CSMD1: variants seen among roughly 807,000 people sequenced by gnomAD.
The protein encoded by CSMD1 is CUB and Sushi multiple domains 1.
Under a neutral mutation model 417.5 loss-of-function variants are expected in CSMD1, and 213 were observed. That is an observed-to-expected ratio of 0.51 (90% CI 0.46 to 0.57). The LOEUF (loss-of-function observed/expected upper bound fraction) is 0.57, where lower values mean the gene tolerates loss of function less well. Ranked by LOEUF, CSMD1 falls within the 20% of genes least tolerant of loss-of-function variation. The pLI, the probability that CSMD1 is intolerant of heterozygous loss-of-function variation, is 0.00. For missense variants in CSMD1, 6,923 were observed against 4,529.7 expected (o/e 1.53, Z -15.17); for synonymous variants, 2,862 against 1,736.8 (o/e 1.65, Z -16.11).
At chr8:4,443,837 C>T (rs1040667340) in intron 2 of CSMD1, among the ~76,000 whole-genome samples, 13 of 152,104 alleles carry the variant, frequency 8.5e-5, no homozygotes, top group African/African-American at 1.9e-4. Flanking sequence ...GTGTTAGTAA[C>T]GAACTTCTGG....
chr8:3,930,073 T>G (rs1361215234), intron 5 of CSMD1, among the ~76,000 whole-genome samples: 4 of 150,462 alleles, frequency 2.7e-5, no homozygotes, highest in Non-Finnish European at 4.4e-5. Flanking sequence ...TACCTAGGCA[T>G]GTTTTTCTTC....
intron 1 of CSMD1, among the ~76,000 whole-genome samples, chr8:4,709,672 T>C (rs17071074): frequency 0.1 from 15,789 of 152,182 alleles, 1,424 homozygotes; most frequent in African/African-American, 0.25. Flanking sequence ...GATGAATGTT[T>C]AACCTACTCT....
chr8:4,003,590 A>T (rs1397652293), intron 4 of CSMD1, among the ~76,000 whole-genome samples: 1 of 152,192 alleles, frequency 6.6e-6, no homozygotes, highest in Non-Finnish European at 1.5e-5. Context: ...CATTCAAATT[A>T]AAACAACACT....
rs1431319886 is a variant in CSMD1, at chr8:3,396,191, C to A, written c.2593+3G>T. The stretch of plus-strand genomic sequence containing the variant: ...CGGGCTGTCAAGGGAAGGTGCAACT[C>A]ACTCTCATAGTGGATGAGGAAGCCG... On this transcript the variant is annotated splice_donor_region_variant and intron_variant, in intron 17 of 69. Transcript: ENST00000635120. 1 of 1,556,672 alleles carries A rather than the reference C, an allele frequency of 6.4e-7. No individual in the cohort carries two copies. Among genetic ancestry groups the A allele is most frequent in the Admixed American group, 1.9e-5 (1 of 51,478 alleles).
intron 11 of CSMD1, among the ~76,000 whole-genome samples, chr8:3,490,233 G>A (rs17322708): frequency 0.27 from 40,613 of 152,008 alleles, 5,478 homozygotes; most frequent in African/African-American, 0.3. Context: ...TTCCCAAAGG[G>A]CATCTCAGTT....
rs974608511 is a variant in CSMD1 at position 4,180,430 on chromosome 8, G to A, written c.416-148331C>T. Among the ~76,000 whole-genome samples, 4 of 127,018 alleles carry A rather than the reference G, an allele frequency of 3.1e-5. No homozygotes were observed. The Admixed American group carries it at 3.6e-4, about 11-fold the overall frequency. 83.3% of individuals were successfully genotyped at this position (127,018 alleles called of 152,430 possible). On this transcript the variant is annotated intron_variant, in intron 3 of 69. Coordinates refer to ENST00000635120, the MANE Select transcript of CSMD1 (RefSeq NM_033225.6). ...CATCACACTCTGGGGACTGCTGTGG[G>A]GTGGGGGGAGGGGGGAGGGATAGCA...
At chr8:3,197,688 T>C (rs1796779813) in intron 33 of CSMD1, among the ~76,000 whole-genome samples, 1 of 151,928 alleles carries the variant, frequency 6.6e-6, no homozygotes, top group Non-Finnish European at 1.5e-5. Flanking sequence ...ATGGTCTCGA[T>C]CTCCTGACCT....
At chr8:4,736,002 A>C (rs1810209017) in intron 1 of CSMD1, among the ~76,000 whole-genome samples, 1 of 152,092 alleles carries the variant, frequency 6.6e-6, no homozygotes, top group African/African-American at 2.4e-5. Context: ...ATTTTCTTAC[A>C]TTTTTATGGA....
chr8:3,453,492 A>T (rs1029778131), intron 12 of CSMD1, among the ~76,000 whole-genome samples: 1 of 152,160 alleles, frequency 6.6e-6, no homozygotes, highest in Admixed American at 6.5e-5. Context: ...AATGTGTCCC[A>T]GAGATTCTGG....
intron 5 of CSMD1, among the ~76,000 whole-genome samples, chr8:3,985,278 C>G (rs1413093671): frequency 1.3e-5 from 2 of 152,166 alleles, no homozygotes; most frequent in Non-Finnish European, 2.9e-5. Flanking sequence ...ACACCATGCA[C>G]AAAGCACATT....
chr8:3,799,311 T>C (rs968590345), intron 5 of CSMD1, among the ~76,000 whole-genome samples: 4 of 151,768 alleles, frequency 2.6e-5, no homozygotes, highest in Non-Finnish European at 5.9e-5. Context: ...GTTTGTTACA[T>C]ATGTACACAT....
intron 1 of CSMD1, among the ~76,000 whole-genome samples, chr8:4,963,222 A>G (rs1809630089): frequency 6.6e-6 from 1 of 152,078 alleles, no homozygotes; most frequent in South Asian, 2.1e-4. Context: ...TTTATTTGAG[A>G]TGGAGTCTTG....
intron 23 of CSMD1, among the ~76,000 whole-genome samples, chr8:3,327,042 A>G (rs1806578256): frequency 6.6e-6 from 1 of 152,164 alleles, no homozygotes; most frequent in Non-Finnish European, 1.5e-5. Context: ...GACAAAAAAT[A>G]AAAACAAGTG....
intron 7 of CSMD1, among the ~76,000 whole-genome samples, chr8:3,626,563 G>A (rs1020228132): frequency 2.0e-5 from 3 of 151,526 alleles, no homozygotes; most frequent in African/African-American, 7.3e-5. Context: ...AAATCTTCAA[G>A]TTTTATTTGT....
At chr8:3,224,393 G>A (rs1029979780) in intron 27 of CSMD1, among the ~76,000 whole-genome samples, 6 of 152,132 alleles carry the variant, frequency 3.9e-5, no homozygotes, top group Admixed American at 2.0e-4. Flanking sequence ...ACGTCTAGGC[G>A]GTTTCTGGAT....
In CSMD1 at chr8:4,834,763, T is replaced by C. The variant is rs372893572; in HGVS notation, c.85+159569A>G. On this transcript the variant is annotated intron_variant, in intron 1 of 69. Coordinates refer to ENST00000635120, the MANE Select transcript of CSMD1 (RefSeq NM_033225.6). Reference sequence around the variant, plus strand: ...CGACATCAGGAGATCGAGACCATCCTGGCTAACACGGTGAAACCCCGTCTC... The same window carrying C: ...CGACATCAGGAGATCGAGACCATCCCGGCTAACACGGTGAAACCCCGTCTC... Among the ~76,000 whole-genome samples the C allele has an allele frequency of 8.9e-3, 1,346 of 151,470 alleles. 22 individuals carry two copies. The highest frequency in any genetic ancestry group is 0.031 in the African/African-American group (1,289 of 41,306).
intron 7 of CSMD1, among the ~76,000 whole-genome samples, chr8:3,691,251 C>G (rs775133144): frequency 9.9e-5 from 15 of 151,980 alleles, no homozygotes; most frequent in Non-Finnish European, 2.2e-4. Context: ...ACCTGTAATC[C>G]CAGCTACTCA....
intron 2 of CSMD1, among the ~76,000 whole-genome samples, chr8:4,474,931 A>C (rs1427970554): frequency 6.6e-6 from 1 of 152,216 alleles, no homozygotes; most frequent in African/African-American, 2.4e-5. Context: ...AAAATGTGTT[A>C]ATTGACGGTT....
intron 5 of CSMD1, among the ~76,000 whole-genome samples, chr8:3,951,305 C>A (rs1480357037): frequency 6.6e-6 from 1 of 152,172 alleles, no homozygotes; most frequent in Non-Finnish European, 1.5e-5. Context: ...TCTTCCATGG[C>A]ACCTTCTCCT....
Sources: gnomAD v4.1 joint callset for allele counts (sites outside exome capture counted in the v4.1 genomes callset) on GRCh38, gnomAD v4.1.1 for gene constraint, MANE v1.5 for transcripts, NCBI Gene and HGNC (gene_info 2026-07-23, HGNC 2026-07-21) for gene names.